The following TUBGCP5 variants were observed in gnomAD, a reference collection of about 807,000 sequenced individuals.
TUBGCP5 encodes gamma-tubulin complex component 5.
A neutral mutation model predicts 134.7 loss-of-function variants in TUBGCP5; 98 were observed. The observed-to-expected ratio is 0.73, with a 90% CI of 0.62 to 0.86. The LOEUF (loss-of-function observed/expected upper bound fraction) is 0.86. TUBGCP5 is among the 40% of genes least tolerant of loss of function. The pLI is 0.00. For missense variants in TUBGCP5, 1,150 were observed against 1,244.8 expected, an observed-to-expected ratio of 0.92 and a Z score of 1.15; for synonymous variants, 456 against 431.4, an observed-to-expected ratio of 1.06 and a Z score of -0.71.
intron 9 of TUBGCP5, 108 bp from the exon 10 acceptor site, chr15:23,024,301 T>C: frequency 1.6e-6 from 2 of 1,283,148 alleles, no homozygotes; most frequent in Middle Eastern, 1.9e-4. Context: ...TTAAACAGTA[T>C]GTTTAGTAGA....
At chr15:23,004,382 C>G in intron 19 of TUBGCP5, 155 bp from the exon 20 acceptor site, 1 of 899,096 alleles carries the variant, frequency 1.1e-6, no homozygotes. Context: ...TCTTCAAAGG[C>G]TGGCTGGATA....
rs908684112 is a variant in TUBGCP5, at chr15:23,034,639, A to G, written c.310-1815T>C. ...CTTTTGGAACCAAGGTGGGCAGATC[A>G]CTTGAGGTCAGGAGTTCGACACTAC... On this transcript the variant is annotated intron_variant, in intron 3 of 22. Transcript: ENST00000615383. Among the ~76,000 whole-genome samples, 3 of 151,920 alleles carry G rather than the reference A, an allele frequency of 2.0e-5. No individual in the cohort carries two copies. The East Asian group carries it at 5.8e-4, about 30-fold the overall frequency.
intron 23 of TUBGCP5, among the ~76,000 whole-genome samples, chr15:22,992,496 A>G (rs956257074): frequency 1.3e-5 from 2 of 152,116 alleles, no homozygotes; most frequent in Admixed American, 1.3e-4. Flanking sequence ...ATATATATGT[A>G]TGTATATGTG....
intron 4 of TUBGCP5, among the ~76,000 whole-genome samples, chr15:23,032,408 C>T (rs1248560476): frequency 1.3e-5 from 2 of 152,080 alleles, no homozygotes; most frequent in Non-Finnish European, 2.9e-5. Flanking sequence ...CTCTAGATTA[C>T]TTATAATACC....
chr15:22,993,138 C>CCA (rs1413520159), intron 23 of TUBGCP5, among the ~76,000 whole-genome samples: 1 of 152,170 alleles, frequency 6.6e-6, no homozygotes, highest in Non-Finnish European at 1.5e-5. Context: ...CTCGCTCTGT[C>CCA]GCCCAGGCTG....
chr15:23,002,931 G>A (rs944436963), intron 21 of TUBGCP5, 134 bp downstream of exon 21: 2 of 711,262 alleles, frequency 2.8e-6, no homozygotes, highest in African/African-American at 3.6e-5. Flanking sequence ...GCCCAGGCTA[G>A]TCTTGAACTC....
chr15:23,025,342 G>C (rs1409125253), intron 8 of TUBGCP5, among the ~76,000 whole-genome samples: 1 of 152,170 alleles, frequency 6.6e-6, no homozygotes, highest in Non-Finnish European at 1.5e-5. Context: ...AAAACATGTT[G>C]TCAAAGCATC....
At chr15:22,985,510 A>C (rs1051406088) in intron 23 of TUBGCP5, among the ~76,000 whole-genome samples, 7 of 151,944 alleles carry the variant, frequency 4.6e-5, no homozygotes, top group African/African-American at 1.7e-4. Flanking sequence ...GAGCCACCAC[A>C]CCTGGCTGTA....
At chr15:23,017,049 T>A (rs576036131) in intron 13 of TUBGCP5, among the ~76,000 whole-genome samples, 1 of 149,200 alleles carries the variant, frequency 6.7e-6, no homozygotes, top group African/African-American at 2.5e-5. Context: ...ATGGAAATGG[T>A]GGACATTAAG....
chr15:23,036,799 C>T (rs1044904761), intron 3 of TUBGCP5, 98 bp downstream of exon 3: 4 of 887,976 alleles, frequency 4.5e-6, no homozygotes, highest in East Asian at 2.5e-5. Context: ...GTAGATAATA[C>T]TAAAATAGAA....
chr15:23,000,584 C>A lies in TUBGCP5; in HGVS notation c.3013G>T (p.Gly1005Ter). The change falls in exon 22 of 23, where the codon GGA becomes TGA. Residue 1005 changes from glycine (G) to a stop codon, truncating the protein, a stop_gained. Transcript: ENST00000615383. LOFTEE classifies it high-confidence loss of function. Reference sequence around the variant, plus strand: ...ATATACTCACAATGGGGAAAGGATCCTCTACAGACGGCTTTGTTTAAAATG... The same window carrying A: ...ATATACTCACAATGGGGAAAGGATCATCTACAGACGGCTTTGTTTAAAATG... ...VTILNKAVCR[G>*]SFPHLESLAL... 1 of 1,612,014 alleles carries A rather than the reference C, an allele frequency of 6.2e-7. No individual in the cohort carries two copies. The highest frequency in any genetic ancestry group is 8.5e-7 in the Non-Finnish European group (1 of 1,178,876).
chr15:22,997,337 G>A (rs928429773), downstream of TUBGCP5, among the ~76,000 whole-genome samples: 1 of 151,728 alleles, frequency 6.6e-6, no homozygotes, highest in African/African-American at 2.4e-5. Flanking sequence ...GCGCCACCAC[G>A]CCCGGCTGAT....
At position 23,018,011 on chromosome 15, in the gene TUBGCP5, G is replaced by T; in HGVS notation, c.1518C>A (p.Asp506Glu). ...RNKNVPVNHR[D>E]FWYATYTLYS... Reference sequence around the variant, plus strand: ...ATAACGTGTAAGTTGCATACCAGAAGTCTCTGTGATTAACTGGAACATTTT... The same window carrying T: ...ATAACGTGTAAGTTGCATACCAGAATTCTCTGTGATTAACTGGAACATTTT... The change falls in exon 13 of 23, where the codon GAC (aspartate) becomes GAA (glutamate). Residue 506 changes from aspartate (D) to glutamate (E), a missense_variant. By Grantham distance (45) the Asp-to-Glu change is conservative. Coordinates refer to ENST00000615383, the MANE Select transcript of TUBGCP5 (RefSeq NM_052903.6). The T allele has an allele frequency of 1.2e-6, 2 of 1,612,462 alleles. No individual in the cohort carries two copies. The highest frequency in any genetic ancestry group is 2.2e-5 in the South Asian group (2 of 90,952).
At chr15:23,010,468 G>A (rs1373832129) in intron 14 of TUBGCP5, among the ~76,000 whole-genome samples, 6 of 152,134 alleles carry the variant, frequency 3.9e-5, no homozygotes, top group Non-Finnish European at 8.8e-5. Flanking sequence ...CATATTATAT[G>A]CCAGTGGGGA....
intron 3 of TUBGCP5, 31 bp from the exon 4 acceptor site, chr15:23,032,855 T>G: frequency 3.4e-6 from 5 of 1,486,316 alleles, no homozygotes; most frequent in Non-Finnish European, 3.6e-6. Context: ...CATAAATCTC[T>G]GAGGTTGGGA....
chr15:23,036,202 T>C (rs2066580889), intron 3 of TUBGCP5, among the ~76,000 whole-genome samples: 1 of 152,182 alleles, frequency 6.6e-6, no homozygotes, highest in Non-Finnish European at 1.5e-5. Flanking sequence ...CTCTGCTTGC[T>C]TATGTGACCC....
chr15:23,016,497 GAAAAA>G (rs34275068), intron 13 of TUBGCP5, among the ~76,000 whole-genome samples: 1 of 102,832 alleles, frequency 9.7e-6, no homozygotes, highest in Non-Finnish European at 2.0e-5. Context: ...TCTGTCTCAG[GAAAAA>G]AAAAAAAAAA....
chr15:23,008,393 A>C, intron 16 of TUBGCP5: 1 of 349,786 alleles, frequency 2.9e-6, no homozygotes, highest in Non-Finnish European at 5.3e-6. Context: ...CAGCCTCCCA[A>C]ATAGCCAGGA....
At position 23,008,743 on chromosome 15, in the gene TUBGCP5, T is replaced by C. The variant is rs553762965; in HGVS notation, c.2283A>G (p.Gln761=). 89 of 1,607,500 alleles carry C rather than the reference T, an allele frequency of 5.5e-5. 3 individuals carry two copies. In the South Asian group the frequency reaches 9.2e-4, roughly 17 times the overall value. The part of the protein sequence containing the change: ...TWQNVSFLNV[Q]LQEAVGQRYP... ...AACGCTGTCCTACTGCTTCTTGGAG[T>C]TGGACATTAAGAAAAGACACATTCT... Residue 761 remains glutamine, a synonymous_variant, in exon 16 of 23, where the codon CAA becomes CAG. Coordinates refer to ENST00000615383, the MANE Select transcript of TUBGCP5 (RefSeq NM_052903.6).
Sources: gnomAD v4.1 joint callset for allele counts (sites outside exome capture counted in the v4.1 genomes callset) on GRCh38, gnomAD v4.1.1 for gene constraint, MANE v1.5 for transcripts, NCBI Gene and HGNC (gene_info 2026-07-23, HGNC 2026-07-21) for gene names.